The following GAS6 variants were observed in gnomAD, a reference collection of about 807,000 sequenced individuals.
GAS6 encodes growth arrest specific 6.
In GAS6, 41 loss-of-function variants were observed where a neutral mutation model predicts 75.8. That is an observed-to-expected ratio of 0.54 (90% confidence interval 0.42 to 0.70). The LOEUF (loss-of-function observed/expected upper bound fraction) is 0.70. Among genes scored for constraint, GAS6 ranks in the 30% least tolerant of loss-of-function variants. GAS6 has a pLI of 0.00. For missense variants in GAS6, 854 were observed against 940.2 expected (o/e 0.91, Z 1.20); for synonymous variants, 432 against 412.6 (o/e 1.05, Z -0.57).
intron 3 of GAS6, 110 bp downstream of exon 3, chr13:113,847,916 A>T: frequency 9.9e-7 from 1 of 1,011,600 alleles, no homozygotes; most frequent in Non-Finnish European, 1.6e-6. Context: ...CCATGTGATT[A>T]AGAATCTTCC....
intron 2 of GAS6, among the ~76,000 whole-genome samples, chr13:113,851,361 G>C (rs1376411729): frequency 1.3e-5 from 2 of 151,702 alleles, no homozygotes; most frequent in African/African-American, 4.8e-5. Context: ...ATGGATGAAT[G>C]AATGAAAGAA....
chr13:113,842,649 T>C lies in GAS6; in HGVS notation c.344-2799A>G, dbSNP rs568039560. 2.5e-5 allele frequency: 10 copies of C among 396,558 alleles called. No homozygotes were observed. The East Asian group carries it at 3.2e-4, about 13-fold the overall frequency. The allele number at this position is 396,558 out of a possible 1,614,324, so 24.6% of individuals were successfully genotyped here. The stretch of plus-strand genomic sequence containing the variant: ...AAGAGGCTCTGGGGGCAGGAGGGAG[T>C]CAGACACGTGCAGGGCAGGCGGCCT... On this transcript the variant is annotated intron_variant, in intron 4 of 14. Transcript: ENST00000327773.
At chr13:113,843,829 G>A (rs1184106992) in intron 4 of GAS6, 2 of 150,856 alleles carry the variant, frequency 1.3e-5, no homozygotes, top group Non-Finnish European at 2.9e-5. Context: ...ATTTCACAAT[G>A]ACCGATAACC....
At chr13:113,861,557 A>G (rs1282094295) in intron 2 of GAS6, among the ~76,000 whole-genome samples, 11 of 152,200 alleles carry the variant, frequency 7.2e-5, no homozygotes, top group Non-Finnish European at 1.5e-5. Context: ...TTCATGCATT[A>G]GCAGGAAGTT....
intron 2 of GAS6, among the ~76,000 whole-genome samples, chr13:113,852,154 C>T (rs906089886): frequency 2.6e-5 from 4 of 152,230 alleles, no homozygotes; most frequent in East Asian, 3.8e-4. Context: ...AACATAAATT[C>T]GTAAACTTTC....
intron 8 of GAS6, 60 bp downstream of exon 8, chr13:113,834,491 C>A: frequency 7.0e-7 from 1 of 1,423,668 alleles, no homozygotes; most frequent in East Asian, 2.6e-5. Flanking sequence ...CCCGAAAGCC[C>A]CCACCGGCGA....
At chr13:113,853,478 C>A (rs922883535) in intron 2 of GAS6, among the ~76,000 whole-genome samples, 2 of 152,236 alleles carry the variant, frequency 1.3e-5, no homozygotes, top group African/African-American at 4.8e-5. Context: ...TGAGTTTCAT[C>A]TGCATTCATA....
rs985461922 is a variant in GAS6, at chr13:113,846,541, G to A, written c.329C>T (p.Ala110Val). The change falls in exon 4 of 15, where the codon GCC becomes GTC. Residue 110 changes from alanine (A) to valine (V), a missense_variant. Coordinates refer to ENST00000327773, the MANE Select transcript of GAS6 (RefSeq NM_000820.4). The stretch of plus-strand genomic sequence containing the variant: ...GGCCGACTTACTTTGCACGCAGGTG[G>A]CGAAGCCTGAGTTTTTGGTGTACGG... ...GSPYTKNSGF[A>V]TCVQNLPDQC... The A allele has an allele frequency of 1.2e-6, 2 of 1,614,050 alleles. No individual in the cohort carries two copies. Among genetic ancestry groups the A allele is most frequent in the South Asian group, 2.2e-5 (2 of 91,084 alleles).
In GAS6 at chr13:113,837,982, C is replaced by A. The variant is rs574561314; in HGVS notation, c.589+87G>T. ...TCCAGAACCACAGGAACCCAGCCAG[C>A]AGCAGCCGCTTGCAGAAGAGCAGAC... On this transcript the variant is annotated intron_variant, in intron 6 of 14. Transcript: ENST00000327773. The surrounding 1 kb of genome is among the most constrained non-coding windows in gnomAD (Gnocchi z 5.1). The A allele has an allele frequency of 1.4e-5, 22 of 1,531,492 alleles. No homozygotes were observed. The Middle Eastern group carries it at 5.3e-4, about 37-fold the overall frequency. The allele number at this position is 1,531,492 out of a possible 1,614,324, so 94.9% of individuals were successfully genotyped here.
At chr13:113,842,211 T>A (rs2051793299) in intron 4 of GAS6, 2 of 142,742 alleles carry the variant, frequency 1.4e-5, no homozygotes. Flanking sequence ...CTCAGTTTCC[T>A]CAGTACACCC....
intron 4 of GAS6, chr13:113,840,584 C>A: frequency 6.6e-6 from 1 of 152,420 alleles, no homozygotes; most frequent in Non-Finnish European, 1.5e-5. Context: ...AACACGCTTC[C>A]AGGACACGGA....
rs758690045 is a variant in GAS6, at chr13:113,832,768, G to A, written c.835-16C>T. Reference sequence around the variant, plus strand: ...GCAAGATGTCCTGCCACGGACGGGGGCCACGCCGGTCGGGGATGTGGCCTT... The same window carrying A: ...GCAAGATGTCCTGCCACGGACGGGGACCACGCCGGTCGGGGATGTGGCCTT... On this transcript the variant is annotated splice_polypyrimidine_tract_variant and intron_variant, in intron 8 of 14. Coordinates refer to ENST00000327773, the MANE Select transcript of GAS6 (RefSeq NM_000820.4). The A allele has an allele frequency of 1.3e-5, 21 of 1,612,374 alleles. No individual in the cohort carries two copies. The East Asian group carries it at 4.0e-4, about 31-fold the overall frequency.
At chr13:113,825,827 C>T (rs139447608) in intron 12 of GAS6, among the ~76,000 whole-genome samples, 1,853 of 152,104 alleles carry the variant, frequency 0.012, 27 homozygotes, top group Non-Finnish European at 0.019. Context: ...CGGGGGGAGA[C>T]GGTGACACTG....
At chr13:113,826,495 C>T (rs868321732) in intron 12 of GAS6, among the ~76,000 whole-genome samples, 100 of 107,420 alleles carry the variant, frequency 9.3e-4, no homozygotes, top group African/African-American at 3.0e-3. Flanking sequence ...CCCGGCCTCC[C>T]GGCGCCGGCC....
At position 113,823,671 on chromosome 13, in the gene GAS6, G is replaced by A. The variant is rs181106746; in HGVS notation, c.1478-121C>T. On this transcript the variant is annotated intron_variant, in intron 12 of 14. Coordinates refer to ENST00000327773, the MANE Select transcript of GAS6 (RefSeq NM_000820.4). ...GTGGGAAGCTGTGCAGACAGCCCCG[G>A]ATCTGGGACGTGATGGAAAACTCAA... 59 of 948,902 alleles carry A rather than the reference G, an allele frequency of 6.2e-5. No homozygotes were observed. In the East Asian group the frequency reaches 1.4e-3, roughly 23 times the overall value. The allele number at this position is 948,902 out of a possible 1,614,324, so 58.8% of individuals were successfully genotyped here.
chr13:113,820,744 G>T lies in GAS6; in HGVS notation c.*120C>A. The T allele has an allele frequency of 1.7e-6, 2 of 1,150,992 alleles. No individual in the cohort carries two copies. Among genetic ancestry groups the T allele is most frequent in the Non-Finnish European group, 2.4e-6 (2 of 832,116 alleles). 71.3% of individuals were successfully genotyped at this position (1,150,992 alleles called of 1,614,324 possible). On this transcript the variant is annotated 3_prime_UTR_variant, in exon 15 of 15. Transcript: ENST00000327773. The stretch of plus-strand genomic sequence containing the variant: ...CTCACTATTTACAGATATGTTACAG[G>T]CCGGGATGGTCACAGAGGAAAGCCC...
At chr13:113,821,246 C>T (rs775933045) in intron 14 of GAS6, 19 of 582,706 alleles carry the variant, frequency 3.3e-5, no homozygotes, top group Non-Finnish European at 3.7e-5. Flanking sequence ...CTCCCTTCCC[C>T]GCTGGGAGCA....
At chr13:113,830,638 T>G (rs1594193747) in intron 10 of GAS6, among the ~76,000 whole-genome samples, 1 of 67,570 alleles carries the variant, frequency 1.5e-5, no homozygotes, top group African/African-American at 9.4e-5. Context: ...CTCCTCCCCA[T>G]GGCTCCATCC....
intron 14 of GAS6, chr13:113,821,307 TTCAGG>T: frequency 2.2e-6 from 1 of 462,708 alleles, no homozygotes; most frequent in South Asian, 3.0e-5. Context: ...CAGTGAGTCA[TTCAGG>T]CTGCAGGCCT....
Sources: allele counts gnomAD v4.1 joint callset (sites outside exome capture counted in the v4.1 genomes callset), GRCh38; gene constraint gnomAD v4.1.1; non-coding constraint Gnocchi (gnomAD v3.1); transcripts MANE v1.5; gene names NCBI Gene and HGNC (gene_info 2026-07-23, HGNC 2026-07-21).